Variants in ENOX1 observed in about 807,000 individuals in gnomAD.
ENOX1 encodes candidate growth-related and time keeping constitutive hydroquinone (NADH) oxidase.
In ENOX1, 42 loss-of-function variants were observed where a neutral mutation model predicts 82.5. The ratio of observed to expected loss-of-function variants is 0.51; its 90% confidence interval spans 0.40 to 0.66. The LOEUF is 0.66. ENOX1 is among the 30% of genes least tolerant of loss of function. The pLI is 0.00. For missense variants in ENOX1, 608 were observed against 811.6 expected (o/e 0.75, Z 3.05); for synonymous variants, 271 against 282.2 (o/e 0.96, Z 0.40).
chr13:43,767,545 TA>T (rs1449033389), intron 1 of ENOX1, among the ~76,000 whole-genome samples: 1 of 152,218 alleles, frequency 6.6e-6, no homozygotes, highest in Non-Finnish European at 1.5e-5. Context: ...GACTGTGCTT[TA>T]AAAGGAAGTT....
intron 2 of ENOX1, among the ~76,000 whole-genome samples, chr13:43,566,038 T>G (rs1368929223): frequency 6.6e-6 from 1 of 152,200 alleles, no homozygotes; most frequent in Non-Finnish European, 1.5e-5. Flanking sequence ...AAATAACTTG[T>G]GACTGATGAT....
At chr13:43,412,738 G>T in intron 4 of ENOX1, 107 bp downstream of exon 4, 1 of 1,263,236 alleles carries the variant, frequency 7.9e-7, no homozygotes. Context: ...ATTTCTTTAT[G>T]GGCCCAGGCT....
chr13:43,390,394 G>A (rs1326308379), intron 5 of ENOX1, among the ~76,000 whole-genome samples: 1 of 152,084 alleles, frequency 6.6e-6, no homozygotes, highest in East Asian at 1.9e-4. Flanking sequence ...TTATCAAGGA[G>A]AATGCCTGCA....
intron 12 of ENOX1, 34 bp downstream of exon 12, chr13:43,298,312 T>C (rs1230059177): frequency 2.1e-6 from 3 of 1,446,534 alleles, no homozygotes; most frequent in Admixed American, 2.7e-5. Flanking sequence ...TATCTCTTTC[T>C]CTCAAAAAAA....
At chr13:43,399,297 T>A (rs2053351710) in intron 5 of ENOX1, among the ~76,000 whole-genome samples, 1 of 152,184 alleles carries the variant, frequency 6.6e-6, no homozygotes, top group African/African-American at 2.4e-5. Context: ...GGTGAGCAGC[T>A]CTAATCCTGG....
chr13:43,735,204 T>C (rs2153823955), intron 1 of ENOX1, among the ~76,000 whole-genome samples: 1 of 152,324 alleles, frequency 6.6e-6, no homozygotes. Context: ...TCAGAAAGCA[T>C]GACATTTAGG....
At chr13:43,512,936 T>C (rs1397471222) in intron 2 of ENOX1, among the ~76,000 whole-genome samples, 1 of 152,238 alleles carries the variant, frequency 6.6e-6, no homozygotes, top group East Asian at 1.9e-4. Context: ...GCCAGAGAGA[T>C]AATGATGGGC....
chr13:43,310,788 T>C (rs2047156380), intron 11 of ENOX1, among the ~76,000 whole-genome samples: 1 of 151,972 alleles, frequency 6.6e-6, no homozygotes, highest in African/African-American at 2.4e-5. Flanking sequence ...TGCAACCTAG[T>C]TCTACAGAAA....
chr13:43,739,126 C>T (rs1364675978), intron 1 of ENOX1, among the ~76,000 whole-genome samples: 1 of 152,224 alleles, frequency 6.6e-6, no homozygotes, highest in Non-Finnish European at 1.5e-5. Flanking sequence ...CAATCTTACA[C>T]TAAGTCATTT....
At chr13:43,246,802 C>T (rs912153191) in intron 14 of ENOX1, among the ~76,000 whole-genome samples, 37 of 152,048 alleles carry the variant, frequency 2.4e-4, no homozygotes, top group African/African-American at 8.7e-4. Context: ...TCCAGCCACA[C>T]CCCAAGGATG....
intron 15 of ENOX1, among the ~76,000 whole-genome samples, chr13:43,233,945 G>T (rs1338357390): frequency 6.6e-6 from 1 of 152,176 alleles, no homozygotes; most frequent in Non-Finnish European, 1.5e-5. Context: ...AGATGTACCA[G>T]AAGGCCAGAG....
chr13:43,541,291 G>C (rs1261786184), intron 2 of ENOX1, among the ~76,000 whole-genome samples: 1 of 150,528 alleles, frequency 6.6e-6, no homozygotes, highest in African/African-American at 2.4e-5. Flanking sequence ...TTGAGGTCAG[G>C]AGTTTGAGGC....
intron 1 of ENOX1, among the ~76,000 whole-genome samples, chr13:43,698,625 T>A (rs1370054249): frequency 6.6e-6 from 1 of 152,188 alleles, no homozygotes; most frequent in East Asian, 1.9e-4. Flanking sequence ...TACCTCATAT[T>A]TTATTGAGGC....
At chr13:43,478,297 C>T (rs2058373633) in intron 3 of ENOX1, among the ~76,000 whole-genome samples, 1 of 152,022 alleles carries the variant, frequency 6.6e-6, no homozygotes, top group Non-Finnish European at 1.5e-5. Flanking sequence ...TTCAGTATTA[C>T]ATCCTTGTAT....
intron 5 of ENOX1, among the ~76,000 whole-genome samples, chr13:43,393,179 C>T (rs879365415): frequency 1.4e-4 from 21 of 152,186 alleles, no homozygotes; most frequent in Admixed American, 1.3e-3. Context: ...AGCCAAAACA[C>T]AATAGTACTT....
intron 2 of ENOX1, among the ~76,000 whole-genome samples, chr13:43,534,176 A>G (rs1188872843): frequency 6.6e-6 from 1 of 152,048 alleles, no homozygotes; most frequent in African/African-American, 2.4e-5. Flanking sequence ...TCAAGAAATA[A>G]TTTCTCAAGA....
intron 1 of ENOX1, among the ~76,000 whole-genome samples, chr13:43,739,197 C>T (rs1292342442): frequency 6.6e-6 from 1 of 152,122 alleles, no homozygotes; most frequent in Non-Finnish European, 1.5e-5. Flanking sequence ...TACTGGTGAA[C>T]AATACCAGGC....
rs540526500 is a variant in ENOX1 at position 43,258,745 on chromosome 13, CCACTCATT to C, written c.1611+6645_1611+6652del. On this transcript the variant is annotated intron_variant, in intron 14 of 16. Transcript: ENST00000690772. The stretch of plus-strand genomic sequence containing the variant: ...TCTGGAGGCCGTAAAGTTCTCTGTA[CCACTCATT>C]GTGCCCCACTCCTACTAGACTCTCC... Among the ~76,000 whole-genome samples the C allele has an allele frequency of 2.6e-4, 40 of 152,254 alleles. No homozygotes were observed. The East Asian group carries it at 6.8e-3, about 26-fold the overall frequency.
intron 8 of ENOX1, among the ~76,000 whole-genome samples, chr13:43,350,406 A>G (rs2049696697): frequency 6.6e-6 from 1 of 152,230 alleles, no homozygotes; most frequent in South Asian, 2.1e-4. Context: ...AAACTGATAC[A>G]TAGATAATGA....
Sources: allele counts gnomAD v4.1 joint callset (sites outside exome capture counted in the v4.1 genomes callset), GRCh38; gene constraint gnomAD v4.1.1; transcripts MANE v1.5; gene names NCBI Gene and HGNC (gene_info 2026-07-23, HGNC 2026-07-21).